Variants in CSMD1 observed in about 807,000 individuals in gnomAD.
CSMD1 encodes CUB and Sushi multiple domains 1.
Under a neutral mutation model 417.5 loss-of-function variants are expected in CSMD1, and 213 were observed. The ratio of observed to expected loss-of-function variants is 0.51; its 90% CI spans 0.46 to 0.57. CSMD1 has a LOEUF of 0.57. Ranked by LOEUF, CSMD1 falls within the 20% of genes least tolerant of loss-of-function variation. The pLI is 0.00. For synonymous variants in CSMD1, 2,862 were observed against 1,736.8 expected, an observed-to-expected ratio of 1.65 and a Z score of -16.11; for missense variants, 6,923 against 4,529.7, an observed-to-expected ratio of 1.53 and a Z score of -15.17.
At chr8:3,321,490 C>T (rs1030452191) in intron 23 of CSMD1, among the ~76,000 whole-genome samples, 3 of 152,138 alleles carry the variant, frequency 2.0e-5, no homozygotes, top group African/African-American at 7.2e-5. Flanking sequence ...ATGACAGGTG[C>T]TCTGCGTGTA....
chr8:4,006,598 T>A (rs1816135648), intron 4 of CSMD1, among the ~76,000 whole-genome samples: 1 of 152,180 alleles, frequency 6.6e-6, no homozygotes, highest in African/African-American at 2.4e-5. Context: ...GTTTTATTTA[T>A]AATTGATCCT....
At chr8:3,340,738 T>C (rs905625968) in intron 23 of CSMD1, among the ~76,000 whole-genome samples, 6 of 152,210 alleles carry the variant, frequency 3.9e-5, no homozygotes, top group Non-Finnish European at 1.5e-5. Flanking sequence ...AGGTTAATAC[T>C]ATTTTGATTA....
At position 2,999,942 on chromosome 8, in the gene CSMD1, C is replaced by G. The variant is rs768349411; in HGVS notation, c.8203+16G>C. On this transcript the variant is annotated intron_variant, in intron 53 of 69. Transcript: ENST00000635120. ...AAGGAAGCATCGATGAATTCGTCCA[C>G]AAAGAGTGCACTTACGGACACAGAC... 3 of 1,601,918 alleles carry G rather than the reference C, an allele frequency of 1.9e-6. No homozygotes were observed. The South Asian group carries it at 3.4e-5, about 18-fold the overall frequency.
intron 18 of CSMD1, among the ~76,000 whole-genome samples, chr8:3,371,880 A>G (rs1339771846): frequency 6.6e-6 from 1 of 152,234 alleles, no homozygotes; most frequent in African/African-American, 2.4e-5. Flanking sequence ...CTGTGAAAGA[A>G]GTAACATTAT....
intron 7 of CSMD1, among the ~76,000 whole-genome samples, chr8:3,621,965 C>T (rs1258560325): frequency 9.1e-6 from 1 of 110,112 alleles, no homozygotes; most frequent in Admixed American, 9.2e-5. Flanking sequence ...TGTCTTATGT[C>T]TCTCTCTCTC....
At chr8:4,238,863 C>A (rs1294030747) in intron 3 of CSMD1, among the ~76,000 whole-genome samples, 1 of 152,126 alleles carries the variant, frequency 6.6e-6, no homozygotes. Context: ...AAATCGATAG[C>A]AAATGCAATT....
At chr8:2,960,193 T>C (rs4876055) in intron 62 of CSMD1, among the ~76,000 whole-genome samples, 4,615 of 152,328 alleles carry the variant, frequency 0.03, 96 homozygotes, top group East Asian at 0.091. Flanking sequence ...TAAATATTTA[T>C]ATACCTGAAA....
chr8:3,341,322 G>C (rs1023298936), intron 23 of CSMD1, among the ~76,000 whole-genome samples: 2 of 152,198 alleles, frequency 1.3e-5, no homozygotes, highest in Non-Finnish European at 2.9e-5. Context: ...TATGGAAACA[G>C]CTCAGTATCC....
At chr8:3,921,422 TTTC>T (rs1246153663) in intron 5 of CSMD1, among the ~76,000 whole-genome samples, 7 of 152,144 alleles carry the variant, frequency 4.6e-5, no homozygotes, top group Non-Finnish European at 8.8e-5. Context: ...TATTATTTTC[TTTC>T]TTCTATTAAC....
intron 42 of CSMD1, among the ~76,000 whole-genome samples, chr8:3,113,592 C>G (rs931714256): frequency 1.3e-5 from 2 of 152,244 alleles, no homozygotes; most frequent in Admixed American, 1.3e-4. Flanking sequence ...CCTGGCGCCA[C>G]TGGCTTCCCC....
At chr8:3,218,389 G>A (rs182122257) in intron 29 of CSMD1, among the ~76,000 whole-genome samples, 190 of 151,416 alleles carry the variant, frequency 1.3e-3, no homozygotes, top group Middle Eastern at 0.01. Flanking sequence ...GTGAAACCCC[G>A]TCTCTACTAA....
chr8:3,073,070 C>T (rs753754175), intron 49 of CSMD1, among the ~76,000 whole-genome samples: 16 of 152,126 alleles, frequency 1.1e-4, no homozygotes, highest in Non-Finnish European at 2.1e-4. Context: ...AGTGCTATTT[C>T]TTAAAGTTAG....
intron 1 of CSMD1, among the ~76,000 whole-genome samples, chr8:4,786,533 G>A (rs143170895): frequency 6.6e-6 from 1 of 152,146 alleles, no homozygotes; most frequent in Non-Finnish European, 1.5e-5. Flanking sequence ...GTAGTTTTCT[G>A]CTTTTAGACA....
At chr8:3,832,855 A>G (rs1438486744) in intron 5 of CSMD1, among the ~76,000 whole-genome samples, 1 of 152,220 alleles carries the variant, frequency 6.6e-6, no homozygotes, top group Non-Finnish European at 1.5e-5. Context: ...AAACACGTAG[A>G]AACATCTATT....
chr8:4,619,550 T>G (rs928075854), intron 2 of CSMD1, among the ~76,000 whole-genome samples: 1 of 152,170 alleles, frequency 6.6e-6, no homozygotes, highest in Non-Finnish European at 1.5e-5. Flanking sequence ...CTCTAATGCA[T>G]CTTGCATTAG....
At chr8:4,268,704 T>C (rs1476593443) in intron 3 of CSMD1, among the ~76,000 whole-genome samples, 1 of 152,068 alleles carries the variant, frequency 6.6e-6, no homozygotes, top group Non-Finnish European at 1.5e-5. Flanking sequence ...CTCAATTTTT[T>C]TTGAAGTAAC....
chr8:3,204,535 A>G (rs1797146450), intron 31 of CSMD1, among the ~76,000 whole-genome samples: 1 of 152,196 alleles, frequency 6.6e-6, no homozygotes, highest in Non-Finnish European at 1.5e-5. Context: ...ATCATAACAA[A>G]GGGAACAGCA....
rs138079817 is a variant in CSMD1 at position 4,943,018 on chromosome 8, G to A, written c.85+51314C>T. 2.8e-3 allele frequency among the ~76,000 whole-genome samples: 428 copies of A among 152,264 alleles called. 4 individuals are homozygous for A. The highest frequency in any genetic ancestry group is 9.7e-3 in the African/African-American group (402 of 41,568). On this transcript the variant is annotated intron_variant, in intron 1 of 69. Transcript: ENST00000635120. Reference sequence around the variant, plus strand: ...CTCTCAGGACTCTGTTGAGAGTATGGCTTTCTTTGAGGAAGACCAAATCAA... The same window carrying A: ...CTCTCAGGACTCTGTTGAGAGTATGACTTTCTTTGAGGAAGACCAAATCAA...
At chr8:3,140,470 A>G (rs975438362) in intron 41 of CSMD1, among the ~76,000 whole-genome samples, 2 of 152,142 alleles carry the variant, frequency 1.3e-5, no homozygotes, top group Non-Finnish European at 2.9e-5. Flanking sequence ...TCATAGAAAA[A>G]TGCTGGCAAT....
Sources: allele counts gnomAD v4.1 joint callset (sites outside exome capture counted in the v4.1 genomes callset), GRCh38; gene constraint gnomAD v4.1.1; transcripts MANE v1.5; gene names NCBI Gene and HGNC (gene_info 2026-07-23, HGNC 2026-07-21).